Variants in NRXN3 observed in about 807,000 individuals in gnomAD.
NRXN3 encodes the protein neurexin III.
Under a neutral mutation model 137.6 loss-of-function variants are expected in NRXN3, and 32 were observed. The ratio of observed to expected loss-of-function variants is 0.23; its 90% CI spans 0.18 to 0.31. NRXN3 has a LOEUF of 0.31. Ranked by LOEUF, NRXN3 falls within the 10% of genes least tolerant of loss-of-function variation. The pLI, the probability that NRXN3 is intolerant of heterozygous loss-of-function variation, is 1.00. For synonymous variants in NRXN3, 798 were observed against 784.5 expected (o/e 1.02, Z -0.29); for missense variants, 1,574 against 2,062.5 (o/e 0.76, Z 4.59).
intron 15 of NRXN3, among the ~76,000 whole-genome samples, chr14:79,377,827 G>A (rs1375357447): frequency 6.6e-6 from 1 of 152,180 alleles, no homozygotes; most frequent in African/African-American, 2.4e-5. Context: ...CAAGTATCTG[G>A]TAAATTAATG....
intron 20 of NRXN3, among the ~76,000 whole-genome samples, chr14:79,849,166 A>T (rs1317154392): frequency 2.0e-5 from 3 of 152,286 alleles, no homozygotes; most frequent in Middle Eastern, 6.8e-3. Flanking sequence ...TCTTGCTTGA[A>T]TTCTGCAACG....
At chr14:79,370,497 T>C (rs1044865805) in intron 15 of NRXN3, among the ~76,000 whole-genome samples, 1 of 151,890 alleles carries the variant, frequency 6.6e-6, no homozygotes, top group Non-Finnish European at 1.5e-5. Context: ...TTTGTTTTTT[T>C]AGTAGAGACA....
At chr14:79,404,618 G>C (rs896572482) in intron 15 of NRXN3, among the ~76,000 whole-genome samples, 5 of 152,120 alleles carry the variant, frequency 3.3e-5, no homozygotes, top group Admixed American at 2.6e-4. Context: ...CATACACTGC[G>C]ATTAAATATC....
At chr14:79,534,092 A>C (rs2097191789) in intron 16 of NRXN3, among the ~76,000 whole-genome samples, 1 of 152,154 alleles carries the variant, frequency 6.6e-6, no homozygotes, top group Admixed American at 6.6e-5. Flanking sequence ...AACAATCTCG[A>C]AATGTGGCCT....
chr14:79,073,858 G>C (rs2099691640), intron 15 of NRXN3, among the ~76,000 whole-genome samples: 1 of 152,100 alleles, frequency 6.6e-6, no homozygotes, highest in Non-Finnish European at 1.5e-5. Flanking sequence ...TCAAATTGCA[G>C]CTCTGCTACT....
intron 19 of NRXN3, among the ~76,000 whole-genome samples, chr14:79,712,750 C>T (rs2098808993): frequency 6.6e-6 from 1 of 152,122 alleles, no homozygotes; most frequent in African/African-American, 2.4e-5. Flanking sequence ...GGAGGTCTCC[C>T]TTCTGGAGTC....
intron 16 of NRXN3, among the ~76,000 whole-genome samples, chr14:79,657,419 A>T (rs1374972559): frequency 6.6e-6 from 1 of 152,160 alleles, no homozygotes; most frequent in Non-Finnish European, 1.5e-5. Flanking sequence ...ACTTTGAAAG[A>T]TCTTCAAGCT....
chr14:79,357,300 T>G (rs1231378205), intron 15 of NRXN3, among the ~76,000 whole-genome samples: 1 of 152,204 alleles, frequency 6.6e-6, no homozygotes, highest in Non-Finnish European at 1.5e-5. Context: ...GTAAGTCTAT[T>G]TTCACAGTAT....
intron 4 of NRXN3, among the ~76,000 whole-genome samples, chr14:78,637,781 A>G (rs544897001): frequency 3.2e-4 from 48 of 152,370 alleles, no homozygotes; most frequent in African/African-American, 1.1e-3. Context: ...CATAGCAGGC[A>G]TTCAAAATTT....
At chr14:79,715,007 G>A (rs1446748644) in intron 19 of NRXN3, among the ~76,000 whole-genome samples, 3 of 152,098 alleles carry the variant, frequency 2.0e-5, no homozygotes, top group Non-Finnish European at 4.4e-5. Context: ...AGGCTGGAGG[G>A]CAGTGGCGTG....
intron 1 of NRXN3, among the ~76,000 whole-genome samples, chr14:78,183,270 C>T (rs1020213453): frequency 1.3e-5 from 2 of 152,076 alleles, no homozygotes; most frequent in African/African-American, 2.4e-5. Context: ...TGCCTTTTTT[C>T]TCTCCTCTTC....
chr14:79,654,839 T>G (rs567854659), intron 16 of NRXN3, among the ~76,000 whole-genome samples: 1 of 152,338 alleles, frequency 6.6e-6, no homozygotes, highest in South Asian at 2.1e-4. Context: ...TGGTGTTTAT[T>G]ATTCATGTAG....
chr14:78,978,039 C>T (rs972962470), intron 14 of NRXN3, among the ~76,000 whole-genome samples: 6 of 152,104 alleles, frequency 3.9e-5, no homozygotes, highest in South Asian at 2.1e-4. Flanking sequence ...TTATACCCAA[C>T]GTATTATGAG....
rs759121460 is a variant in NRXN3 at position 79,645,781 on chromosome 14, G to A, written c.3445-17997G>A. ...TTTGGTGACAATACTGGGAAAAAAT[G>A]TTGGCACCTGATAATGGTGGACCTG... On this transcript the variant is annotated intron_variant, in intron 16 of 20. Coordinates refer to ENST00000335750, the MANE Select transcript of NRXN3 (RefSeq NM_001330195.2). Among the ~76,000 whole-genome samples, 3 of 135,524 alleles carry A rather than the reference G, an allele frequency of 2.2e-5. 1 individual carries two copies. The highest frequency in any genetic ancestry group is 3.4e-5 in the Non-Finnish European group (2 of 58,236). 88.9% of individuals were successfully genotyped at this position (135,524 alleles called of 152,430 possible). A position where few individuals can be genotyped will look rare whatever the true frequency, so the allele number is the denominator to read the frequency against.
At chr14:79,860,919 T>A in intron 20 of NRXN3, 1 of 643,858 alleles carries the variant, frequency 1.6e-6, no homozygotes, top group Non-Finnish European at 2.4e-6. Flanking sequence ...TTAGACTCCA[T>A]CCAGAAAAGA....
intron 15 of NRXN3, among the ~76,000 whole-genome samples, chr14:79,326,977 TA>T (rs148546842): frequency 0.021 from 3,192 of 152,070 alleles, 113 homozygotes; most frequent in African/African-American, 0.073. Context: ...AAAACAAATT[TA>T]AAAAAAAGTG....
At chr14:79,354,286 T>G (rs2153399188) in intron 15 of NRXN3, among the ~76,000 whole-genome samples, 1 of 152,236 alleles carries the variant, frequency 6.6e-6, no homozygotes, top group East Asian at 1.9e-4. Context: ...TAGTAAACAC[T>G]GCGTTTTAAA....
At chr14:79,376,265 T>TACAC (rs1482470466) in intron 15 of NRXN3, among the ~76,000 whole-genome samples, 22 of 72,708 alleles carry the variant, frequency 3.0e-4, no homozygotes, top group East Asian at 7.2e-4. Context: ...TATATATATA[T>TACAC]ACACATACAT....
chr14:78,334,971 A>G (rs934354325), intron 4 of NRXN3, among the ~76,000 whole-genome samples: 4 of 152,176 alleles, frequency 2.6e-5, no homozygotes, highest in African/African-American at 9.7e-5. Flanking sequence ...TCCATGAAGG[A>G]AACAGGAATG....
Sources: gnomAD v4.1 joint callset for allele counts (sites outside exome capture counted in the v4.1 genomes callset) on GRCh38, gnomAD v4.1.1 for gene constraint, MANE v1.5 for transcripts, NCBI Gene and HGNC (gene_info 2026-07-23, HGNC 2026-07-21) for gene names.